The following ARHGAP10 variants were observed in gnomAD, a reference collection of about 807,000 sequenced individuals.
ARHGAP10 encodes the protein rho GTPase-activating protein 10.
A neutral mutation model predicts 108.6 loss-of-function variants in ARHGAP10; 87 were observed. The observed-to-expected ratio is 0.80, with a 90% confidence interval of 0.67 to 0.96. The LOEUF is 0.96. ARHGAP10 is among the 40% of genes least tolerant of loss of function. The pLI is 0.00. For missense variants in ARHGAP10, 939 were observed against 954.5 expected (o/e 0.98, Z 0.21); for synonymous variants, 347 against 341.1 (o/e 1.02, Z -0.19).
At chr4:147,774,473 G>C (rs1445593841) in intron 1 of ARHGAP10, among the ~76,000 whole-genome samples, 1 of 152,168 alleles carries the variant, frequency 6.6e-6, no homozygotes, top group Non-Finnish European at 1.5e-5. Context: ...TATGTGTTTA[G>C]GACAAGGGTT....
At chr4:147,964,607 C>G (rs1231603233) in intron 16 of ARHGAP10, among the ~76,000 whole-genome samples, 1 of 152,214 alleles carries the variant, frequency 6.6e-6, no homozygotes. Context: ...GGGGGTTATC[C>G]TGTTCAACCT....
intron 20 of ARHGAP10, among the ~76,000 whole-genome samples, chr4:148,062,549 A>G (rs535183107): frequency 6.6e-6 from 1 of 152,300 alleles, no homozygotes; most frequent in Admixed American, 6.5e-5. Flanking sequence ...AGGCCATTCC[A>G]GGTGTCTGTT....
chr4:147,766,720 T>C (rs1417297764), intron 1 of ARHGAP10, among the ~76,000 whole-genome samples: 1 of 145,114 alleles, frequency 6.9e-6, no homozygotes, highest in Admixed American at 6.9e-5. Flanking sequence ...AAAATATATA[T>C]AATATAAATA....
At chr4:147,986,543 C>CCT (rs1349987690) in intron 18 of ARHGAP10, among the ~76,000 whole-genome samples, 2 of 152,222 alleles carry the variant, frequency 1.3e-5, no homozygotes, top group East Asian at 3.9e-4. Flanking sequence ...GGTCACCTAC[C>CCT]CTCTCCTCAT....
In ARHGAP10 at chr4:147,772,987, A is replaced by G. The variant is rs553076379; in HGVS notation, c.154+40532A>G. Reference sequence around the variant, plus strand: ...GAACTCTTTTGGAATTAAGTAGGAAAGATTTTGACGGAACTCCTGCATTCC... The same window carrying G: ...GAACTCTTTTGGAATTAAGTAGGAAGGATTTTGACGGAACTCCTGCATTCC... On this transcript the variant is annotated intron_variant, in intron 1 of 22. Coordinates refer to ENST00000336498, the MANE Select transcript of ARHGAP10 (RefSeq NM_024605.4). Among the ~76,000 whole-genome samples, 9 of 152,302 alleles carry G rather than the reference A, an allele frequency of 5.9e-5. No individual in the cohort carries two copies. The East Asian group carries it at 1.5e-3, about 26-fold the overall frequency.
In ARHGAP10 at chr4:147,906,763, G is replaced by C. The variant is rs924783372; in HGVS notation, c.1116+44G>C. 5 of 1,600,632 alleles carry C rather than the reference G, an allele frequency of 3.1e-6. No individual in the cohort carries two copies. In the African/African-American group the frequency reaches 6.7e-5, roughly 21 times the overall value. On this transcript the variant is annotated intron_variant, in intron 11 of 22. Coordinates refer to ENST00000336498, the MANE Select transcript of ARHGAP10 (RefSeq NM_024605.4). ...TGAGTTTTATTTCAAAGCCTTTAGA[G>C]TTGACTTGCATTCATTTTTATGTTA...
intron 3 of ARHGAP10, among the ~76,000 whole-genome samples, chr4:147,829,526 T>C (rs969933975): frequency 5.3e-5 from 8 of 152,136 alleles, no homozygotes; most frequent in African/African-American, 1.9e-4. Flanking sequence ...TTGCTGATCA[T>C]GTTGCCACCC....
chr4:147,874,971 A>G (rs2126861618), intron 7 of ARHGAP10, 50 bp from the exon 8 acceptor site: 2 of 1,465,110 alleles, frequency 1.4e-6, no homozygotes, highest in Non-Finnish European at 1.8e-6. Context: ...GTTCATGAGA[A>G]AACTCATATG....
chr4:147,964,765 T>C (rs1458729713), intron 16 of ARHGAP10, among the ~76,000 whole-genome samples: 3 of 152,112 alleles, frequency 2.0e-5, no homozygotes, highest in Non-Finnish European at 2.9e-5. Context: ...TTCTGTAATA[T>C]AAACCAAGGA....
At chr4:147,776,594 G>GC (rs916832967) in intron 1 of ARHGAP10, among the ~76,000 whole-genome samples, 17 of 152,168 alleles carry the variant, frequency 1.1e-4, no homozygotes, top group African/African-American at 4.1e-4. Flanking sequence ...TACCTGTGGG[G>GC]CTCCCCCAAG....
rs34876546 is a variant in ARHGAP10 at position 148,039,368 on chromosome 4, A to ATTTTTTTTTTTTTT, written c.1868-7508_1868-7495dup. On this transcript the variant is annotated intron_variant, in intron 19 of 22. Transcript: ENST00000336498. ...TTAATACTTTAAGAATACTACTTCA[A>ATTTTTTTTTTTTTT]TTTTTTTTTTTTTTTTTTTTTTTTT... 1.6e-4 allele frequency among the ~76,000 whole-genome samples: 12 copies of ATTTTTTTTTTTTTT among 73,090 alleles called. 1 individual carries two copies. Among genetic ancestry groups the ATTTTTTTTTTTTTT allele is most frequent in the African/African-American group, 2.8e-4 (5 of 17,676 alleles). The allele number at this position is 73,090 out of a possible 152,430, so 47.9% of individuals were successfully genotyped here. A position where few individuals can be genotyped will look rare whatever the true frequency, so the allele number is the denominator to read the frequency against.
intron 10 of ARHGAP10, among the ~76,000 whole-genome samples, chr4:147,883,454 A>G (rs1231851669): frequency 1.3e-5 from 2 of 152,272 alleles, no homozygotes; most frequent in East Asian, 3.9e-4. Context: ...GCACACACCC[A>G]TGGGTGGCAT....
At chr4:148,051,479 G>A (rs1189868379) in intron 20 of ARHGAP10, among the ~76,000 whole-genome samples, 1 of 152,172 alleles carries the variant, frequency 6.6e-6, no homozygotes, top group African/African-American at 2.4e-5. Flanking sequence ...ATCGGGCATT[G>A]CTATCTGCTT....
intron 20 of ARHGAP10, among the ~76,000 whole-genome samples, chr4:148,057,951 G>T (rs1422123770): frequency 6.6e-6 from 1 of 152,194 alleles, no homozygotes; most frequent in African/African-American, 2.4e-5. Flanking sequence ...CCCCAACGCC[G>T]TGGGTTATGG....
chr4:148,012,965 G>C (rs1169370440), intron 18 of ARHGAP10, among the ~76,000 whole-genome samples: 1 of 142,544 alleles, frequency 7.0e-6, no homozygotes, highest in African/African-American at 2.7e-5. Flanking sequence ...GAGCTGTTTT[G>C]TGTTTGCCAA....
intron 4 of ARHGAP10, among the ~76,000 whole-genome samples, chr4:147,854,279 C>T (rs1440128911): frequency 6.6e-6 from 1 of 152,154 alleles, no homozygotes; most frequent in Non-Finnish European, 1.5e-5. Flanking sequence ...TTGGATTTTT[C>T]AGCAGTTCCA....
intron 6 of ARHGAP10, 105 bp downstream of exon 6, chr4:147,865,061 A>C: frequency 1.0e-6 from 1 of 956,216 alleles, no homozygotes; most frequent in Non-Finnish European, 1.6e-6. Context: ...GCCATAGTGC[A>C]TAAACATGAA....
chr4:147,742,475 A>ATT (rs1728719229), intron 1 of ARHGAP10, among the ~76,000 whole-genome samples: 1 of 91,300 alleles, frequency 1.1e-5, no homozygotes, highest in South Asian at 3.6e-4. Context: ...GTCTGTGAAC[A>ATT]CTTTTTTTTT....
At chr4:148,019,194 A>C (rs1299190249) in intron 18 of ARHGAP10, among the ~76,000 whole-genome samples, 1 of 152,182 alleles carries the variant, frequency 6.6e-6, no homozygotes, top group Non-Finnish European at 1.5e-5. Flanking sequence ...AGAGCACTGA[A>C]TTTGGGGAAT....
Sources: gnomAD v4.1 joint callset for allele counts (sites outside exome capture counted in the v4.1 genomes callset) on GRCh38, gnomAD v4.1.1 for gene constraint, MANE v1.5 for transcripts, NCBI Gene and HGNC (gene_info 2026-07-23, HGNC 2026-07-21) for gene names.